The following DCDC2 variants were observed in gnomAD, a reference collection of about 807,000 sequenced individuals.
The protein encoded by DCDC2 is doublecortin domain-containing protein 2.
Under a neutral mutation model 50.2 loss-of-function variants are expected in DCDC2, and 40 were observed. The ratio of observed to expected loss-of-function variants is 0.80; its 90% CI spans 0.62 to 1.04. The LOEUF is 1.04. Among genes scored for constraint, DCDC2 ranks in the 50% least tolerant of loss-of-function variants. The pLI, the probability that DCDC2 is intolerant of heterozygous loss-of-function variation, is 0.00. For missense variants in DCDC2, 570 were observed against 581.9 expected (o/e 0.98, Z 0.21); for synonymous variants, 234 against 210.6 (o/e 1.11, Z -0.96).
intron 7 of DCDC2, among the ~76,000 whole-genome samples, chr6:24,232,929 C>CA (rs1013913626): frequency 7.9e-5 from 12 of 151,566 alleles, no homozygotes; most frequent in African/African-American, 1.9e-4. Context: ...AACAACCTGG[C>CA]AAAAAAAACA....
chr6:24,290,864 C>A, intron 5 of DCDC2, 68 bp downstream of exon 5: 1 of 1,351,362 alleles, frequency 7.4e-7, no homozygotes, highest in South Asian at 1.4e-5. Flanking sequence ...TAATGGTGGT[C>A]AGCAAAAGAC....
intron 8 of DCDC2, among the ~76,000 whole-genome samples, chr6:24,195,589 C>T (rs966452177): frequency 1.3e-5 from 2 of 152,130 alleles, no homozygotes; most frequent in Admixed American, 6.6e-5. Flanking sequence ...ACATTCTGGG[C>T]TGCAGAATTT....
chr6:24,306,574 A>G (rs72830884), intron 2 of DCDC2, among the ~76,000 whole-genome samples: 5,210 of 150,082 alleles, frequency 0.035, 92 homozygotes, highest in South Asian at 0.061. Context: ...AGACAGACAG[A>G]CAAAATATTT....
chr6:24,208,590 C>T (rs1445881659), intron 7 of DCDC2, among the ~76,000 whole-genome samples: 8 of 152,010 alleles, frequency 5.3e-5, no homozygotes, highest in African/African-American at 1.7e-4. Context: ...AGGCTGGTCT[C>T]GAACTCCAAC....
At chr6:24,287,064 T>G (rs1033732656) in intron 6 of DCDC2, among the ~76,000 whole-genome samples, 6 of 152,190 alleles carry the variant, frequency 3.9e-5, no homozygotes, top group African/African-American at 1.4e-4. Flanking sequence ...TGGACTCAGA[T>G]TAATATTCTC....
chr6:24,381,777 A>G, the DCDC2 span, among the ~76,000 whole-genome samples: 3 of 148,630 alleles, frequency 2.0e-5, no homozygotes, highest in Non-Finnish European at 4.5e-5. Flanking sequence ...AGATCTCATC[A>G]CTATTGGAAA....
the DCDC2 span, among the ~76,000 whole-genome samples, chr6:24,376,830 A>G: frequency 8.3e-6 from 1 of 120,622 alleles, no homozygotes; most frequent in African/African-American, 3.2e-5. Flanking sequence ...AAAAAAAAAA[A>G]GAAAGAAACT....
chr6:24,370,898 C>T, the DCDC2 span, among the ~76,000 whole-genome samples: 2 of 152,012 alleles, frequency 1.3e-5, no homozygotes, highest in South Asian at 4.1e-4. Context: ...AAATCCATGC[C>T]ATGGAATATT....
At chr6:24,379,076 C>G in the DCDC2 span, among the ~76,000 whole-genome samples, 1 of 151,482 alleles carries the variant, frequency 6.6e-6, no homozygotes, top group South Asian at 2.1e-4. Flanking sequence ...AAGGTAAGAT[C>G]TAAAACCATA....
rs1173371260 is a variant in DCDC2, at chr6:24,173,164, T to A, written c.*1566A>T. 1 of 152,054 alleles carries A rather than the reference T, an allele frequency of 6.6e-6. No homozygotes were observed. Among genetic ancestry groups the A allele is most frequent in the Non-Finnish European group, 1.5e-5 (1 of 67,998 alleles). The allele number at this position is 152,054 out of a possible 1,614,324, so 9.4% of individuals were successfully genotyped here. On this transcript the variant is annotated 3_prime_UTR_variant, in exon 10 of 10. Transcript: ENST00000378454. ...AGAAACATAGTACCCTGTTTCTAAT[T>A]CATGCTCCCAGATCACTATATCCTT...
At chr6:24,292,008 G>A (rs545670675) in intron 4 of DCDC2, among the ~76,000 whole-genome samples, 13 of 151,608 alleles carry the variant, frequency 8.6e-5, no homozygotes, top group South Asian at 2.1e-4. Context: ...TTTTTTTGCC[G>A]TCCCTACTAA....
At chr6:24,380,544 T>C in the DCDC2 span, among the ~76,000 whole-genome samples, 1 of 151,966 alleles carries the variant, frequency 6.6e-6, no homozygotes, top group African/African-American at 2.4e-5. Flanking sequence ...GTGGCAGGAG[T>C]TGGCACTACA....
chr6:24,209,499 G>A (rs929621644), intron 7 of DCDC2, among the ~76,000 whole-genome samples: 1 of 152,116 alleles, frequency 6.6e-6, no homozygotes, highest in Non-Finnish European at 1.5e-5. Flanking sequence ...ATAAAAACAG[G>A]AACTTAGTGT....
At chr6:24,248,165 T>C (rs536334471) in intron 7 of DCDC2, among the ~76,000 whole-genome samples, 23 of 152,346 alleles carry the variant, frequency 1.5e-4, no homozygotes, top group East Asian at 3.9e-4. Context: ...TAGATTGGAA[T>C]AAAATACCTA....
intron 2 of DCDC2, among the ~76,000 whole-genome samples, chr6:24,346,753 CA>C (rs11385934): frequency 4.1e-3 from 492 of 118,902 alleles, no homozygotes; most frequent in Middle Eastern, 4.9e-3. Flanking sequence ...GACTCCATCT[CA>C]AAAAAAAAAA....
intron 2 of DCDC2, among the ~76,000 whole-genome samples, chr6:24,306,543 T>TAGAGAGACAGACAGAC (rs1209633765): frequency 4.7e-4 from 54 of 115,722 alleles, no homozygotes; most frequent in African/African-American, 1.8e-3. Context: ...GATAGATAGA[T>TAGAGAGACAGACAGAC]AGACAGACAG....
rs568112778 is a variant in DCDC2 at position 24,333,582 on chromosome 6, C to T, written c.348+19987G>A. Reference sequence around the variant, plus strand: ...CACAACTACCTAAATTGATTTTCAACGTACTGAAGATTCATGAACTGAAGT... The same window carrying T: ...CACAACTACCTAAATTGATTTTCAATGTACTGAAGATTCATGAACTGAAGT... On this transcript the variant is annotated intron_variant, in intron 2 of 9. Coordinates refer to ENST00000378454, the MANE Select transcript of DCDC2 (RefSeq NM_016356.5). 5.9e-5 allele frequency among the ~76,000 whole-genome samples: 9 copies of T among 152,220 alleles called. No homozygotes were observed. The East Asian group carries it at 9.6e-4, about 16-fold the overall frequency.
chr6:24,220,883 C>CAA (rs1762092375), intron 7 of DCDC2, among the ~76,000 whole-genome samples: 5 of 95,750 alleles, frequency 5.2e-5, no homozygotes, highest in African/African-American at 1.0e-4. Flanking sequence ...AGAGCGAGAG[C>CAA]GAGAGAGTGA....
intron 6 of DCDC2, among the ~76,000 whole-genome samples, chr6:24,281,517 G>A (rs1048148155): frequency 1.4e-5 from 2 of 146,184 alleles, no homozygotes; most frequent in Non-Finnish European, 3.0e-5. Context: ...AAAGGAGGGT[G>A]AAGGGGGAGA....
Sources: allele counts gnomAD v4.1 joint callset (sites outside exome capture counted in the v4.1 genomes callset), GRCh38; gene constraint gnomAD v4.1.1; transcripts MANE v1.5; gene names NCBI Gene and HGNC (gene_info 2026-07-23, HGNC 2026-07-21).